The following BAZ2B variants were observed in gnomAD, a reference collection of about 807,000 sequenced individuals.
BAZ2B encodes the protein bromodomain adjacent to zinc finger domain 2B, also known as bromodomain adjacent to zinc finger domain protein 2B.
BAZ2B carries 91 observed loss-of-function variants against 246.0 expected under a neutral mutation model. The observed-to-expected ratio is 0.37, with a 90% confidence interval of 0.31 to 0.44. The LOEUF (loss-of-function observed/expected upper bound fraction) is 0.44, where lower values mean the gene tolerates loss of function less well. BAZ2B is among the 20% of genes least tolerant of loss of function. BAZ2B has a pLI of 1.00. For synonymous variants in BAZ2B, 855 were observed against 860.0 expected, an observed-to-expected ratio of 0.99 and a Z score of 0.10; for missense variants, 2,332 against 2,533.7, an observed-to-expected ratio of 0.92 and a Z score of 1.71.
intron 1 of BAZ2B, among the ~76,000 whole-genome samples, chr2:159,594,451 T>C (rs542823553): frequency 6.6e-6 from 1 of 152,292 alleles, no homozygotes; most frequent in East Asian, 1.9e-4. Flanking sequence ...TAGTTTTTAA[T>C]CTTAAGAACC....
At chr2:159,489,010 G>A (rs1476690246) in intron 2 of BAZ2B, among the ~76,000 whole-genome samples, 1 of 152,066 alleles carries the variant, frequency 6.6e-6, no homozygotes, top group African/African-American at 2.4e-5. Flanking sequence ...CAGTGTTACT[G>A]GCCTATTCAC....
chr2:159,601,300 T>A lies in BAZ2B; in HGVS notation c.-46+14942A>T, dbSNP rs182839505. Among the ~76,000 whole-genome samples the A allele has an allele frequency of 2.0e-5, 3 of 152,186 alleles. No individual in the cohort carries two copies. The East Asian group carries it at 5.8e-4, about 29-fold the overall frequency. ...CAGTTTCCCAAGCATTTAATAAAAT[T>A]CAACTTCCTTTCCCGATTTTTAAAA... is the stretch of plus-strand genomic sequence containing the variant. On this transcript the variant is annotated intron_variant, in intron 1 of 36. Transcript: ENST00000392783.
rs752998931 is a variant in BAZ2B, at chr2:159,324,900, A to T, written c.6264T>A (p.Pro2088=). ...AACCAGGAACAAGTTTCAAGTTTAC[A>T]GGAAGTAGAAAAGGCCATGCATCCT... is the stretch of plus-strand genomic sequence containing the variant. ...THEDAWPFLL[P]VNLKLVPGYK... Residue 2088 remains proline, a synonymous_variant, in exon 36 of 37, where the codon CCT becomes CCA. Coordinates refer to ENST00000392783, the MANE Select transcript of BAZ2B (RefSeq NM_013450.4). 6.4e-7 allele frequency: 1 copy of T among 1,561,790 alleles called. No individual in the cohort carries two copies. Among genetic ancestry groups the T allele is most frequent in the South Asian group, 1.2e-5 (1 of 80,974 alleles).
At chr2:159,476,487 T>C (rs1426957185) in intron 3 of BAZ2B, among the ~76,000 whole-genome samples, 2 of 152,044 alleles carry the variant, frequency 1.3e-5, no homozygotes, top group Non-Finnish European at 2.9e-5. Flanking sequence ...CTCGGCATAC[T>C]CCATCCCTTC....
rs375639739 is a variant in BAZ2B at position 159,349,151 on chromosome 2, C to T, written c.4993G>A (p.Gly1665Ser). 16 of 1,614,058 alleles carry T rather than the reference C, an allele frequency of 9.9e-6. No individual in the cohort carries two copies. Among genetic ancestry groups the T allele is most frequent in the Non-Finnish European group, 1.4e-5 (16 of 1,179,962 alleles). Residue 1665 changes from glycine (G) to serine (S), a missense_variant, in exon 29 of 37, where the codon GGT becomes AGT. Gly to Ser is a moderately conservative substitution (Grantham distance 56). Transcript: ENST00000392783. ...ACATTGGAAGTCAAGAATGAATTACCATTTCCTTCTGATAACCCTAACCCC... is the reference window on the plus strand; with the variant it reads ...ACATTGGAAGTCAAGAATGAATTACTATTTCCTTCTGATAACCCTAACCCC... Reference protein sequence around the residue: ...GSGLGLSEGNGNSFLTSNVAS... With the variant: ...GSGLGLSEGNSNSFLTSNVAS...
intron 1 of BAZ2B, among the ~76,000 whole-genome samples, chr2:159,581,237 C>T (rs746440314): frequency 6.6e-6 from 1 of 152,006 alleles, no homozygotes; most frequent in African/African-American, 2.4e-5. Context: ...AAAAATCAAA[C>T]CACCACGTCA....
At chr2:159,685,015 T>G in the BAZ2B span, among the ~76,000 whole-genome samples, 1 of 152,194 alleles carries the variant, frequency 6.6e-6, no homozygotes, top group Admixed American at 6.5e-5. Context: ...AAAAGAGTCA[T>G]GGTAATGTCC....
the BAZ2B span, among the ~76,000 whole-genome samples, chr2:159,677,024 T>TA: frequency 6.9e-6 from 1 of 144,346 alleles, no homozygotes; most frequent in Non-Finnish European, 1.5e-5. Context: ...AGTTGTCAAT[T>TA]AAAATAAAAT....
chr2:159,527,015 T>C (rs1256316298), intron 2 of BAZ2B, among the ~76,000 whole-genome samples: 1 of 151,986 alleles, frequency 6.6e-6, no homozygotes, highest in African/African-American at 2.4e-5. Context: ...ACATTCCCAC[T>C]GGTAATGTAT....
the BAZ2B span, among the ~76,000 whole-genome samples, chr2:159,669,799 A>G: frequency 6.6e-6 from 1 of 152,160 alleles, no homozygotes; most frequent in Non-Finnish European, 1.5e-5. Flanking sequence ...TCTTGTAGGA[A>G]GTATAGTTTG....
At chr2:159,329,709 G>A (rs568199857) in intron 34 of BAZ2B, among the ~76,000 whole-genome samples, 45 of 152,214 alleles carry the variant, frequency 3.0e-4, no homozygotes, top group Admixed American at 6.5e-4. Context: ...AATGTTTAGA[G>A]TTTTACTGTT....
intron 27 of BAZ2B, among the ~76,000 whole-genome samples, chr2:159,359,420 C>A (rs1054304299): frequency 1.6e-4 from 25 of 152,056 alleles, no homozygotes; most frequent in African/African-American, 5.3e-4. Flanking sequence ...AAGTCCAATC[C>A]CTGAATAGAC....
In BAZ2B at chr2:159,431,071, A is replaced by G. The variant is rs780374084; in HGVS notation, c.1986T>C (p.Asp662=). The G allele has an allele frequency of 6.2e-7, 1 of 1,614,066 alleles. No homozygotes were observed. The highest frequency in any genetic ancestry group is 1.7e-5 in the Admixed American group (1 of 60,014). ...DDKDQDESDS[D]TEGEKTSMKL... ...TCATTGAAGTTTTCTCTCCTTCAGT[A>G]TCACTATCTGATTCATCTTGGTCTT... The change falls in exon 10 of 37, where the codon GAT becomes GAC. Residue 662 remains aspartate, a synonymous_variant. Transcript: ENST00000392783.
At chr2:159,459,947 T>C (rs1360690283) in intron 3 of BAZ2B, 1 of 152,106 alleles carries the variant, frequency 6.6e-6, no homozygotes, top group East Asian at 1.9e-4. Flanking sequence ...CCACAATTTT[T>C]TGCAGATATT....
chr2:159,573,513 A>T (rs1411996037), intron 1 of BAZ2B, among the ~76,000 whole-genome samples: 2 of 152,218 alleles, frequency 1.3e-5, no homozygotes, highest in Admixed American at 6.5e-5. Context: ...AAAAGGAACT[A>T]AGAATGAATC....
At chr2:159,501,308 C>G (rs2081804832) in intron 2 of BAZ2B, among the ~76,000 whole-genome samples, 1 of 137,930 alleles carries the variant, frequency 7.3e-6, no homozygotes, top group Admixed American at 7.6e-5. Context: ...GGGGGATGAT[C>G]ACCTGAGCCC....
chr2:159,333,775 C>A (rs567154172), intron 33 of BAZ2B, among the ~76,000 whole-genome samples: 1 of 152,206 alleles, frequency 6.6e-6, no homozygotes, highest in Admixed American at 6.5e-5. Flanking sequence ...CTTCTTATAA[C>A]TTAGTATGTA....
intron 18 of BAZ2B, 28 bp from the exon 19 acceptor site, chr2:159,397,417 G>C (rs759101331): frequency 7.1e-7 from 1 of 1,399,616 alleles, no homozygotes; most frequent in Non-Finnish European, 9.8e-7. Context: ...TTTAATACGT[G>C]ATTTTTAGAG....
intron 3 of BAZ2B, among the ~76,000 whole-genome samples, chr2:159,472,855 AGCTTTTTGATGT>A (rs1306073957): frequency 3.3e-5 from 5 of 152,302 alleles, no homozygotes; most frequent in African/African-American, 1.2e-4. Context: ...GTGGTGGATA[AGCTTTTTGATGT>A]GCTGCTGGAT....
Sources: gnomAD v4.1 joint callset for allele counts (sites outside exome capture counted in the v4.1 genomes callset) on GRCh38, gnomAD v4.1.1 for gene constraint, MANE v1.5 for transcripts, NCBI Gene and HGNC (gene_info 2026-07-23, HGNC 2026-07-21) for gene names.